The following KIAA1210 variants were observed in gnomAD, a reference collection of about 807,000 sequenced individuals.
KIAA1210 encodes acrosomal protein KIAA1210.
Under a neutral mutation model 78.9 loss-of-function variants are expected in KIAA1210, and 48 were observed. The observed-to-expected ratio is 0.61, with a 90% CI of 0.48 to 0.77. The LOEUF (loss-of-function observed/expected upper bound fraction) is 0.77. Ranked by LOEUF, KIAA1210 falls within the 30% of genes least tolerant of loss-of-function variation. The pLI is 0.00. For missense variants in KIAA1210, 1,108 were observed against 1,100.0 expected, an observed-to-expected ratio of 1.01 and a Z score of -0.10; for synonymous variants, 406 against 404.5, an observed-to-expected ratio of 1.00 and a Z score of -0.04.
At chrX:119,129,127 G>A (rs1299258400), upstream of KIAA1210, among the ~76,000 whole-genome samples, 1 of 111,942 alleles carries the variant, frequency 8.9e-6, no homozygotes, top group Non-Finnish European at 1.9e-5. Flanking sequence ...AATCTCCCAG[G>A]ACCCAGAATA....
At chrX:119,095,685 G>T (rs1927530226) in intron 7 of KIAA1210, among the ~76,000 whole-genome samples, 1 of 112,527 alleles carries the variant, frequency 8.9e-6, no homozygotes, top group Admixed American at 9.4e-5. Context: ...ATTGCACCCA[G>T]CCCTAATCCT....
intron 3 of KIAA1210, among the ~76,000 whole-genome samples, chrX:119,109,949 T>A (rs112931458): frequency 6.8e-4 from 76 of 111,780 alleles, no homozygotes; most frequent in African/African-American, 2.3e-3. Context: ...AATTACATGT[T>A]AAGAAAAATC....
At chrX:119,108,928 G>T in intron 4 of KIAA1210, 148 bp downstream of exon 4, 1 of 509,183 alleles carries the variant, frequency 2.0e-6, no homozygotes, top group Non-Finnish European at 3.2e-6. Flanking sequence ...TATACATTCT[G>T]TCACTCAAGG....
chrX:119,129,778 C>A (rs1928746053), upstream of KIAA1210, among the ~76,000 whole-genome samples: 1 of 111,225 alleles, frequency 9.0e-6, no homozygotes, highest in Non-Finnish European at 1.9e-5. Context: ...TCTGGACCCT[C>A]ATGGAGAAAG....
At chrX:119,138,455 G>A (rs765846694) in intron 2 of KIAA1210, among the ~76,000 whole-genome samples, 7 of 110,975 alleles carry the variant, frequency 6.3e-5, no homozygotes, top group Non-Finnish European at 1.1e-4. Flanking sequence ...CTGACCTCAG[G>A]TGATCTGTCC....
rs773233785 is a variant in KIAA1210 at position 119,081,377 on chromosome X, G to A, written c.4554C>T (p.Ala1518=). The A allele has an allele frequency of 8.3e-7, 1 of 1,207,637 alleles. No individual in the cohort carries two copies. Among genetic ancestry groups the A allele is most frequent in the Admixed American group, 2.2e-5 (1 of 45,777 alleles). ...GGCTCCATGCTTTGGCTTTCTTCCT[G>A]GCCAGTGAGAACCAGACAGGCTCAA... ...EPIEPVWFSL[A]RKKAKAWSHM... Residue 1518 remains alanine, a synonymous_variant, in exon 12 of 12, where the codon GCC becomes GCT. Transcript: ENST00000691062.
intron 3 of KIAA1210, among the ~76,000 whole-genome samples, chrX:119,110,709 G>T (rs1271647196): frequency 1.8e-5 from 2 of 111,073 alleles, no homozygotes; most frequent in Non-Finnish European, 3.8e-5. Flanking sequence ...AGCAACAAAA[G>T]AATAAAAACT....
chrX:119,106,868 A>G (rs1054739519), intron 5 of KIAA1210, among the ~76,000 whole-genome samples: 2 of 112,114 alleles, frequency 1.8e-5, no homozygotes, highest in Non-Finnish European at 3.8e-5. Context: ...TTCTTCTTTA[A>G]CAATCTCCTC....
chrX:119,128,612 T>C (rs760377071), upstream of KIAA1210, among the ~76,000 whole-genome samples: 16 of 112,098 alleles, frequency 1.4e-4, no homozygotes, highest in Middle Eastern at 4.6e-3. Flanking sequence ...ACGTCCATGA[T>C]CATCCTAGTT....
intron 6 of KIAA1210, among the ~76,000 whole-genome samples, chrX:119,102,955 T>A (rs1927778588): frequency 1.8e-5 from 2 of 112,301 alleles, no homozygotes; most frequent in Admixed American, 1.9e-4. Flanking sequence ...CATAAGTGAC[T>A]ATTCCTCTAC....
Position 119,108,983 on chromosome X carries a change from C to G in KIAA1210, c.357+93G>C, listed in dbSNP as rs1927984543. The G allele has an allele frequency of 2.5e-5, 25 of 984,665 alleles. No individual in the cohort carries two copies. The South Asian group carries it at 5.6e-4, about 22-fold the overall frequency. 81.1% of individuals were successfully genotyped at this position (984,665 alleles called of 1,213,427 possible). A position where few individuals can be genotyped will look rare whatever the true frequency, so the allele number is the denominator to read the frequency against. ...GGTAGGATCAGCTGAGAAGCAGAAC[C>G]AAGTTCCCACTCCTTTTAATTTTGG... On this transcript the variant is annotated intron_variant, in intron 4 of 11. Coordinates refer to ENST00000691062, the MANE Select transcript of KIAA1210 (RefSeq NM_001394962.1).
At chrX:119,111,985 C>T (rs945129987) in intron 3 of KIAA1210, among the ~76,000 whole-genome samples, 4 of 111,017 alleles carry the variant, frequency 3.6e-5, no homozygotes, top group African/African-American at 9.9e-5. Context: ...CCCCACATGT[C>T]GAGGGAGGAA....
At chrX:119,098,174 G>T (rs998484338) in intron 6 of KIAA1210, among the ~76,000 whole-genome samples, 6 of 111,444 alleles carry the variant, frequency 5.4e-5, no homozygotes, top group African/African-American at 2.0e-4. Context: ...CACACTGCTG[G>T]TCTGCTGTTC....
chrX:119,103,977 C>T (rs759056362), intron 6 of KIAA1210, among the ~76,000 whole-genome samples: 14 of 111,918 alleles, frequency 1.3e-4, no homozygotes, highest in Non-Finnish European at 2.3e-4. Flanking sequence ...TTAATAGGAA[C>T]GGGGTTTCCA....
upstream of KIAA1210, among the ~76,000 whole-genome samples, chrX:119,128,876 T>C (rs755299843): frequency 2.7e-5 from 3 of 111,149 alleles, no homozygotes; most frequent in Admixed American, 9.6e-5. Context: ...GGTTTCTCCA[T>C]GTTGGTCAGG....
At chrX:119,120,587 A>G (rs1928424696) in intron 2 of KIAA1210, among the ~76,000 whole-genome samples, 1 of 112,624 alleles carries the variant, frequency 8.9e-6, no homozygotes, top group Non-Finnish European at 1.9e-5. Flanking sequence ...TTCCTAAATT[A>G]ACAAAATGAC....
upstream of KIAA1210, among the ~76,000 whole-genome samples, chrX:119,127,921 C>T (rs1421563514): frequency 9.0e-6 from 1 of 111,313 alleles, no homozygotes; most frequent in Non-Finnish European, 1.9e-5. Context: ...ACACCACACT[C>T]CCTTAATTTT....
intron 2 of KIAA1210, among the ~76,000 whole-genome samples, chrX:119,118,938 C>A (rs1351655096): frequency 1.8e-5 from 2 of 112,236 alleles, no homozygotes; most frequent in Non-Finnish European, 3.8e-5. Context: ...CCTTAGCATC[C>A]CCCTTAGCAA....
chrX:119,112,328 C>T (rs765156450), intron 3 of KIAA1210, among the ~76,000 whole-genome samples: 5 of 111,360 alleles, frequency 4.5e-5, no homozygotes, highest in South Asian at 3.8e-4. Context: ...AGATGACCTA[C>T]GTAATGGAAG....
Sources: gnomAD v4.1 joint callset for allele counts (sites outside exome capture counted in the v4.1 genomes callset) on GRCh38, gnomAD v4.1.1 for gene constraint, MANE v1.5 for transcripts, NCBI Gene and HGNC (gene_info 2026-07-23, HGNC 2026-07-21) for gene names.